FOXN3: variants seen among roughly 807,000 people sequenced by gnomAD.
FOXN3 encodes the protein forkhead box N3.
Under a neutral mutation model 38.4 loss-of-function variants are expected in FOXN3, and 7 were observed. That is an observed-to-expected ratio of 0.18 (90% CI 0.10 to 0.34). The LOEUF (loss-of-function observed/expected upper bound fraction) is 0.34, where lower values mean the gene tolerates loss of function less well. Among genes scored for constraint, FOXN3 ranks in the 10% least tolerant of loss-of-function variants. The probability of loss-of-function intolerance (pLI) is 1.00; values close to 1 mark genes in which losing one functional copy is unlikely to be tolerated. For missense variants in FOXN3, 456 were observed against 613.4 expected (o/e 0.74, Z 2.71); for synonymous variants, 230 against 242.2 (o/e 0.95, Z 0.47).
intron 4 of FOXN3, chr14:89,222,983 G>T (rs1052946998): frequency 6.6e-6 from 1 of 152,014 alleles, no homozygotes; most frequent in African/African-American, 2.4e-5. Flanking sequence ...TGCCCAGGCT[G>T]GTCTTGAACC....
intron 2 of FOXN3, among the ~76,000 whole-genome samples, chr14:89,395,001 T>A (rs568316649): frequency 1.3e-5 from 2 of 152,316 alleles, no homozygotes; most frequent in Admixed American, 1.3e-4. Flanking sequence ...GAGTTAGAAT[T>A]ATGAGGACAG....
intron 1 of FOXN3, among the ~76,000 whole-genome samples, chr14:89,415,127 T>C (rs561610413): frequency 1.8e-4 from 27 of 152,296 alleles, no homozygotes; most frequent in Admixed American, 1.0e-3. Flanking sequence ...GAAAATTTTC[T>C]GATGACCAGC....
chr14:89,431,355 C>T (rs753923753), intron 1 of FOXN3, among the ~76,000 whole-genome samples: 12 of 152,138 alleles, frequency 7.9e-5, no homozygotes, highest in Non-Finnish European at 1.2e-4. Context: ...GGATGACAGG[C>T]GCCCACCACC....
At chr14:89,230,539 T>C (rs755696954) in intron 4 of FOXN3, among the ~76,000 whole-genome samples, 1 of 152,274 alleles carries the variant, frequency 6.6e-6, no homozygotes, top group Non-Finnish European at 1.5e-5. Flanking sequence ...ATAAAGGGCT[T>C]AGACTTGTGC....
intron 1 of FOXN3, among the ~76,000 whole-genome samples, chr14:89,512,887 T>C (rs1359963368): frequency 6.6e-6 from 1 of 152,138 alleles, no homozygotes; most frequent in Non-Finnish European, 1.5e-5. Flanking sequence ...ATGCCTGTAA[T>C]CCCAGCACTA....
chr14:89,569,020 C>CA (rs1294853187), intron 1 of FOXN3, among the ~76,000 whole-genome samples: 1 of 152,142 alleles, frequency 6.6e-6, no homozygotes, highest in Non-Finnish European at 1.5e-5. Context: ...CCGGCTAACA[C>CA]GGTGAAACCC....
chr14:89,557,314 G>A (rs979562358), intron 1 of FOXN3, among the ~76,000 whole-genome samples: 1 of 152,146 alleles, frequency 6.6e-6, no homozygotes, highest in Non-Finnish European at 1.5e-5. Context: ...CACTCTTATT[G>A]GGGGGTTAGT....
In FOXN3 at chr14:89,363,961, T is replaced by TATATATATATAAA. The variant is rs1890008315; in HGVS notation, c.544-13154_544-13153insTTTATATATATAT. Reference sequence around the variant, plus strand: ...CCTGTCTGTAAAATATATATATATATATATATATATATATATATATATATA... The same window carrying TATATATATATAAA: ...CCTGTCTGTAAAATATATATATATATATATATATATAAAATATATATATATATATATATATATA... On this transcript the variant is annotated intron_variant, in intron 2 of 5. Transcript: ENST00000557258. Among the ~76,000 whole-genome samples the TATATATATATAAA allele has an allele frequency of 2.0e-4, 3 of 14,674 alleles. No homozygotes were observed. The South Asian group carries it at 6.8e-3, about 33-fold the overall frequency. 9.6% of individuals were successfully genotyped at this position (14,674 alleles called of 152,430 possible).
At chr14:89,374,759 T>A (rs1295380904) in intron 2 of FOXN3, among the ~76,000 whole-genome samples, 1 of 151,842 alleles carries the variant, frequency 6.6e-6, no homozygotes, top group South Asian at 2.1e-4. Context: ...ATCACAAGGT[T>A]AAGAGTTCGA....
At chr14:89,181,614 G>A (rs986243578) in intron 4 of FOXN3, among the ~76,000 whole-genome samples, 3 of 152,122 alleles carry the variant, frequency 2.0e-5, no homozygotes, top group Non-Finnish European at 2.9e-5. Context: ...CATCCCTGGA[G>A]CAACCCTAAG....
chr14:89,533,311 C>T (rs1442790589), intron 1 of FOXN3, among the ~76,000 whole-genome samples: 7 of 152,206 alleles, frequency 4.6e-5, no homozygotes, highest in Admixed American at 2.6e-4. Flanking sequence ...AACTGCCCTG[C>T]CTCTCAAAAG....
At chr14:89,290,731 C>T (rs904702064) in intron 3 of FOXN3, 5 of 338,312 alleles carry the variant, frequency 1.5e-5, no homozygotes, top group South Asian at 5.3e-5. Context: ...CTTTGCCCTC[C>T]GTGAGCCTGC....
intron 3 of FOXN3, among the ~76,000 whole-genome samples, chr14:89,288,045 A>G (rs1473468961): frequency 9.5e-6 from 1 of 105,118 alleles, no homozygotes; most frequent in Non-Finnish European, 2.0e-5. Flanking sequence ...TGGGCAACAG[A>G]GCAAGACCCT....
intron 5 of FOXN3, among the ~76,000 whole-genome samples, chr14:89,169,709 G>A (rs1386734988): frequency 6.6e-6 from 1 of 152,110 alleles, no homozygotes; most frequent in Non-Finnish European, 1.5e-5. Context: ...AAATATTCAT[G>A]CTAAAAGTTC....
chr14:89,547,248 TTTA>T (rs1894906276), intron 1 of FOXN3, among the ~76,000 whole-genome samples: 1 of 151,024 alleles, frequency 6.6e-6, no homozygotes, highest in African/African-American at 2.4e-5. Context: ...TATTTATTTA[TTTA>T]TTTATTTATT....
chr14:89,450,625 G>A (rs945748281), intron 1 of FOXN3, among the ~76,000 whole-genome samples: 1 of 147,574 alleles, frequency 6.8e-6, no homozygotes, highest in African/African-American at 2.5e-5. Flanking sequence ...TCGCCCTGTC[G>A]CCCAGGCTGG....
chr14:89,300,017 G>A (rs1212365055), intron 3 of FOXN3, among the ~76,000 whole-genome samples: 1 of 152,090 alleles, frequency 6.6e-6, no homozygotes, highest in Non-Finnish European at 1.5e-5. Flanking sequence ...TTTTGAGGTG[G>A]TGACCAACAA....
At chr14:89,525,774 G>T (rs1199132352) in intron 1 of FOXN3, among the ~76,000 whole-genome samples, 2 of 152,064 alleles carry the variant, frequency 1.3e-5, no homozygotes, top group Non-Finnish European at 2.9e-5. Context: ...TTTATTCTAT[G>T]AGTCCAGGAT....
chr14:89,248,717 C>G (rs1194446058), intron 4 of FOXN3, among the ~76,000 whole-genome samples: 15 of 152,186 alleles, frequency 9.9e-5, no homozygotes, highest in African/African-American at 3.4e-4. Context: ...TTAGAACTTC[C>G]TCCGCTATAG....
Sources: gnomAD v4.1 joint callset for allele counts (sites outside exome capture counted in the v4.1 genomes callset) on GRCh38, gnomAD v4.1.1 for gene constraint, MANE v1.5 for transcripts, NCBI Gene and HGNC (gene_info 2026-07-23, HGNC 2026-07-21) for gene names.